Variants in PEX1 observed in about 807,000 individuals in gnomAD.
The protein encoded by PEX1 is peroxisomal biogenesis factor 1, also known as peroxisomal ATPase PEX1.
Under a neutral mutation model 152.5 loss-of-function variants are expected in PEX1, and 97 were observed. The ratio of observed to expected loss-of-function variants is 0.64; its 90% CI spans 0.54 to 0.75. PEX1 has a LOEUF of 0.75. PEX1 is among the 30% of genes least tolerant of loss of function. PEX1 has a pLI of 0.00. For synonymous variants in PEX1, 485 were observed against 531.6 expected, an observed-to-expected ratio of 0.91 and a Z score of 1.21; for missense variants, 1,357 against 1,516.3, an observed-to-expected ratio of 0.89 and a Z score of 1.74.
intron 1 of PEX1, among the ~76,000 whole-genome samples, chr7:92,526,936 A>C (rs1211198514): frequency 6.6e-6 from 1 of 152,220 alleles, no homozygotes; most frequent in Admixed American, 6.5e-5. Flanking sequence ...TAAAACATAA[A>C]TTCTATAAAT....
chr7:92,491,044 A>T (rs922325190), intron 21 of PEX1, among the ~76,000 whole-genome samples: 2 of 152,230 alleles, frequency 1.3e-5, no homozygotes, highest in Non-Finnish European at 2.9e-5. Flanking sequence ...AACCAAAGGT[A>T]ATCACAACCA....
intron 9 of PEX1, 108 bp from the exon 10 acceptor site, chr7:92,507,234 T>A: frequency 2.1e-6 from 2 of 940,520 alleles, no homozygotes; most frequent in Non-Finnish European, 3.2e-6. Flanking sequence ...TAATTTAATT[T>A]AATTTTTTAT....
At chr7:92,518,865 TG>T in intron 3 of PEX1, 129 bp downstream of exon 3, 1 of 747,028 alleles carries the variant, frequency 1.3e-6, no homozygotes, top group Non-Finnish European at 2.3e-6. Flanking sequence ...CTACTGTGCC[TG>T]GCCCCAATTC....
Position 92,501,424 on chromosome 7 carries a change from G to T in PEX1, c.2583+83C>A, listed in dbSNP as rs200801642. On this transcript the variant is annotated intron_variant, in intron 15 of 23. Transcript: ENST00000248633. Reference sequence around the variant, plus strand: ...ACTTGTTGACTCACACGGAGATTGGGCAAGCTGACACATAAAGCCAAAGCC... The same window carrying T: ...ACTTGTTGACTCACACGGAGATTGGTCAAGCTGACACATAAAGCCAAAGCC... The T allele has an allele frequency of 6.0e-5, 66 of 1,102,702 alleles. 1 individual carries two copies. In the East Asian group the frequency reaches 1.5e-3, roughly 25 times the overall value. 68.3% of individuals were successfully genotyped at this position (1,102,702 alleles called of 1,614,324 possible).
chr7:92,528,481 G>T lies in PEX1; in HGVS notation c.-46C>A. Reference sequence around the variant, plus strand: ...GGTTCGCCCACCCTAGCGCCGCAAAGGACCCGGGACCCGGCAGGCCGAGGA... The same window carrying T: ...GGTTCGCCCACCCTAGCGCCGCAAATGACCCGGGACCCGGCAGGCCGAGGA... On this transcript the variant is annotated 5_prime_UTR_variant, in exon 1 of 24. Transcript: ENST00000248633. The T allele has an allele frequency of 6.6e-7, 1 of 1,518,294 alleles. No homozygotes were observed. 94.1% of individuals were successfully genotyped at this position (1,518,294 alleles called of 1,614,324 possible).
At chr7:92,521,999 T>A in intron 2 of PEX1, 103 bp downstream of exon 2, 1 of 1,131,826 alleles carries the variant, frequency 8.8e-7, no homozygotes. Context: ...ACAAATTAGG[T>A]GACATCTCAC....
chr7:92,493,297 T>C, intron 19 of PEX1, 168 bp from the exon 20 acceptor site: 1 of 459,622 alleles, frequency 2.2e-6, no homozygotes, highest in Non-Finnish European at 3.7e-6. Flanking sequence ...CTTGGAATTT[T>C]TTCCCCAACA....
chr7:92,524,092 AT>A (rs894590057), intron 1 of PEX1, among the ~76,000 whole-genome samples: 5 of 149,296 alleles, frequency 3.3e-5, no homozygotes, highest in African/African-American at 9.8e-5. Flanking sequence ...TTTACATGCA[AT>A]TTTTTTTTTC....
intron 11 of PEX1, among the ~76,000 whole-genome samples, chr7:92,505,740 C>T (rs1217144893): frequency 2.0e-5 from 3 of 152,168 alleles, no homozygotes; most frequent in Middle Eastern, 3.4e-3. Context: ...GACAGCGGTA[C>T]CCATGGGGGA....
Position 92,522,123 on chromosome 7 carries a change from A to C in PEX1, c.252T>G (p.Leu84=), listed in dbSNP as rs774698687. 6 of 1,614,020 alleles carry C rather than the reference A, an allele frequency of 3.7e-6. No homozygotes were observed. Among genetic ancestry groups the C allele is most frequent in the Admixed American group, 1.7e-5 (1 of 60,004 alleles). The part of the protein sequence containing the change: ...AEINRQVGQK[L]GLSNGGQVFL... ...TTACCTGTCCCCCATTTGAGAGTCC[A>C]AGTTTTTGACCAACTTGTCTGTTAA... is the stretch of plus-strand genomic sequence containing the variant. The change falls in exon 2 of 24, where the codon CTT becomes CTG. Residue 84 remains leucine (L), a synonymous_variant. Coordinates refer to ENST00000248633, the MANE Select transcript of PEX1 (RefSeq NM_000466.3).
intron 9 of PEX1, among the ~76,000 whole-genome samples, chr7:92,508,423 A>C (rs1792300842): frequency 6.6e-6 from 1 of 152,034 alleles, no homozygotes; most frequent in Non-Finnish European, 1.5e-5. Context: ...TTGTAATCCC[A>C]GCTACTTAGG....
At chr7:92,500,106 T>C (rs1424340618) in intron 15 of PEX1, among the ~76,000 whole-genome samples, 1 of 152,234 alleles carries the variant, frequency 6.6e-6, no homozygotes, top group Non-Finnish European at 1.5e-5. Flanking sequence ...TTTTCCTGTT[T>C]TATTAAAAGT....
intron 5 of PEX1, among the ~76,000 whole-genome samples, chr7:92,516,049 AAG>A (rs1792738317): frequency 9.5e-6 from 1 of 105,644 alleles, no homozygotes; most frequent in Non-Finnish European, 1.9e-5. Flanking sequence ...AAGAGAAGAG[AAG>A]AGAAAAAAGA....
chr7:92,518,268 G>C lies in PEX1; in HGVS notation c.358-13C>G, dbSNP rs749180235. Reference sequence around the variant, plus strand: ...CAGCATGCAGCTCCTAGAACCAACAGACGAAAAGATCAATTCACTTTACAT... The same window carrying C: ...CAGCATGCAGCTCCTAGAACCAACACACGAAAAGATCAATTCACTTTACAT... On this transcript the variant is annotated splice_polypyrimidine_tract_variant and intron_variant, in intron 3 of 23. Transcript: ENST00000248633. The C allele has an allele frequency of 2.0e-6, 3 of 1,473,608 alleles. No homozygotes were observed. The highest frequency in any genetic ancestry group is 3.3e-5 in the Admixed American group (2 of 59,838). The allele number at this position is 1,473,608 out of a possible 1,614,324, so 91.3% of individuals were successfully genotyped here. A position where few individuals can be genotyped will look rare whatever the true frequency, so the allele number is the denominator to read the frequency against.
At chr7:92,514,388 C>T (rs1792624578) in intron 5 of PEX1, among the ~76,000 whole-genome samples, 1 of 152,220 alleles carries the variant, frequency 6.6e-6, no homozygotes, top group Non-Finnish European at 1.5e-5. Context: ...TCAATCCTCT[C>T]CCTACATTTC....
intron 5 of PEX1, among the ~76,000 whole-genome samples, chr7:92,516,060 GAAA>G (rs1554374864): frequency 0.022 from 1,149 of 51,910 alleles, 7 homozygotes; most frequent in South Asian, 0.037. Context: ...AGAGAAAAAA[GAAA>G]AGAAAAGAAA....
At chr7:92,509,840 ATAT>A (rs1295748424) in intron 8 of PEX1, among the ~76,000 whole-genome samples, 1 of 152,174 alleles carries the variant, frequency 6.6e-6, no homozygotes, top group African/African-American at 2.4e-5. Context: ...TCAAAAAATA[ATAT>A]TGTAAAAAGA....
chr7:92,494,225 G>T, intron 19 of PEX1, 68 bp downstream of exon 19: 1 of 1,165,156 alleles, frequency 8.6e-7, no homozygotes, highest in East Asian at 2.4e-5. Flanking sequence ...TTACCTGGCA[G>T]AAGTAAAGCT....
At position 92,517,469 on chromosome 7, in the gene PEX1, T is replaced by A. The variant is rs145256496; in HGVS notation, c.1046A>T (p.Lys349Ile). The change falls in exon 5 of 24, where the codon AAA becomes ATA. Residue 349 changes from lysine to isoleucine, a missense_variant. Transcript: ENST00000248633. ...TTTTTCAGGTGATAACACATTTTGT[T>A]TTGTTTTACTTTGCTGTTGCTTTGG... ...LSPKQQQSKT[K>I]QNVLSPEKEK... 6.2e-7 allele frequency: 1 copy of A among 1,614,016 alleles called. No homozygotes were observed. Among genetic ancestry groups the A allele is most frequent in the Non-Finnish European group, 8.5e-7 (1 of 1,180,004 alleles).
Sources: gnomAD v4.1 joint callset for allele counts (sites outside exome capture counted in the v4.1 genomes callset) on GRCh38, gnomAD v4.1.1 for gene constraint, MANE v1.5 for transcripts, NCBI Gene and HGNC (gene_info 2026-07-23, HGNC 2026-07-21) for gene names.